Variants in PKN2 observed in about 807,000 individuals in gnomAD.
PKN2 encodes protein kinase N2.
A neutral mutation model predicts 119.1 loss-of-function variants in PKN2; 38 were observed. The observed-to-expected ratio is 0.32, with a 90% CI of 0.25 to 0.42. The LOEUF (loss-of-function observed/expected upper bound fraction) is 0.42. Among genes scored for constraint, PKN2 ranks in the 10% least tolerant of loss-of-function variants. The pLI, the probability that PKN2 is intolerant of heterozygous loss-of-function variation, is 1.00. For missense variants in PKN2, 850 were observed against 1,165.1 expected (o/e 0.73, Z 3.94); for synonymous variants, 390 against 384.9 (o/e 1.01, Z -0.15).
intron 16 of PKN2, among the ~76,000 whole-genome samples, chr1:88,819,732 A>G (rs1672167702): frequency 6.6e-6 from 1 of 152,340 alleles, no homozygotes; most frequent in South Asian, 2.1e-4. Flanking sequence ...AGCACTGTTC[A>G]CAATAGCAAA....
intron 1 of PKN2, among the ~76,000 whole-genome samples, chr1:88,705,765 G>A (rs992888958): frequency 2.0e-5 from 3 of 151,826 alleles, no homozygotes; most frequent in Admixed American, 6.6e-5. Context: ...AAAATCAGTT[G>A]TTCATATATG....
At chr1:88,786,659 T>C (rs1461846600) in intron 8 of PKN2, among the ~76,000 whole-genome samples, 2 of 152,150 alleles carry the variant, frequency 1.3e-5, no homozygotes, top group Non-Finnish European at 2.9e-5. Context: ...TCTGTGGCCA[T>C]AGAACCCATC....
intron 15 of PKN2, among the ~76,000 whole-genome samples, chr1:88,812,719 CAG>C (rs1671826968): frequency 6.6e-6 from 1 of 152,070 alleles, no homozygotes; most frequent in African/African-American, 2.4e-5. Flanking sequence ...TCCTGAAAGA[CAG>C]AGCAAGATCC....
intron 1 of PKN2, among the ~76,000 whole-genome samples, chr1:88,705,948 T>G (rs1024127122): frequency 6.6e-6 from 1 of 152,148 alleles, no homozygotes; most frequent in African/African-American, 2.4e-5. Context: ...TTTACTCTCC[T>G]TTTTCAAATT....
At chr1:88,688,297 G>A (rs1666187497) in intron 1 of PKN2, among the ~76,000 whole-genome samples, 1 of 152,124 alleles carries the variant, frequency 6.6e-6, no homozygotes, top group Non-Finnish European at 1.5e-5. Context: ...ATGTTGGCCA[G>A]GCTGGTCTTG....
At chr1:88,776,492 C>A (rs1670110534) in intron 6 of PKN2, among the ~76,000 whole-genome samples, 1 of 151,738 alleles carries the variant, frequency 6.6e-6, no homozygotes, top group African/African-American at 2.4e-5. Context: ...ATAATCCCAG[C>A]ACTTAAGGAG....
rs145626230 is a variant in PKN2, at chr1:88,751,411, TA to T, written c.350-8809del. 4.0e-3 allele frequency among the ~76,000 whole-genome samples: 608 copies of T among 151,074 alleles called. 4 individuals carry two copies. The highest frequency in any genetic ancestry group is 6.8e-3 in the Middle Eastern group (2 of 294). On this transcript the variant is annotated intron_variant, in intron 2 of 21. Transcript: ENST00000370521. ...ACACACACACACACACACCTGACTC[TA>T]ACCTCTTTGAGAAGAGGAATTCTGC...
At chr1:88,696,345 G>A (rs1666542212) in intron 1 of PKN2, among the ~76,000 whole-genome samples, 1 of 152,152 alleles carries the variant, frequency 6.6e-6, no homozygotes, top group African/African-American at 2.4e-5. Context: ...TATCACTTAA[G>A]GGTAAGATGT....
chr1:88,788,177 T>A (rs1030087135), intron 8 of PKN2, among the ~76,000 whole-genome samples: 1 of 152,190 alleles, frequency 6.6e-6, no homozygotes, highest in African/African-American at 2.4e-5. Flanking sequence ...TTTTTAGAGT[T>A]GTAGGATAAT....
chr1:88,697,474 C>T (rs567197076), intron 1 of PKN2, among the ~76,000 whole-genome samples: 2 of 152,108 alleles, frequency 1.3e-5, no homozygotes, highest in Non-Finnish European at 2.9e-5. Flanking sequence ...TGAGTTCATT[C>T]ATTACTTTGC....
At chr1:88,740,882 A>G in intron 1 of PKN2, 106 bp from the exon 2 acceptor site, 1 of 622,528 alleles carries the variant, frequency 1.6e-6, no homozygotes, top group South Asian at 2.7e-5. Context: ...AATATAGTTA[A>G]ATGTAATGTA....
chr1:88,702,692 G>C (rs190735768), intron 1 of PKN2, among the ~76,000 whole-genome samples: 2 of 152,154 alleles, frequency 1.3e-5, no homozygotes, highest in African/African-American at 4.8e-5. Flanking sequence ...TTTCTAGTAT[G>C]ATGAAAGATA....
chr1:88,757,430 T>C (rs954116705), intron 2 of PKN2, among the ~76,000 whole-genome samples: 4 of 152,178 alleles, frequency 2.6e-5, no homozygotes, highest in African/African-American at 9.6e-5. Context: ...TTAATATCTA[T>C]ATTTTTAGAT....
At chr1:88,802,333 T>TA (rs1178334235) in intron 8 of PKN2, among the ~76,000 whole-genome samples, 1 of 151,958 alleles carries the variant, frequency 6.6e-6, no homozygotes, top group African/African-American at 2.4e-5. Context: ...TTTTAATTTT[T>TA]TTTTTTTTTT....
intron 6 of PKN2, among the ~76,000 whole-genome samples, chr1:88,776,775 G>A (rs61766087): frequency 1.5e-3 from 222 of 151,842 alleles, no homozygotes; most frequent in Non-Finnish European, 2.3e-3. Context: ...CTTCCTCCAG[G>A]CCTTTATGTT....
At chr1:88,702,925 A>G (rs1362825710) in intron 1 of PKN2, among the ~76,000 whole-genome samples, 1 of 152,206 alleles carries the variant, frequency 6.6e-6, no homozygotes, top group Non-Finnish European at 1.5e-5. Flanking sequence ...GTCTTTAGCT[A>G]ATGATGCAGT....
At chr1:88,825,514 A>T (rs535288410) in intron 18 of PKN2, among the ~76,000 whole-genome samples, 2 of 152,280 alleles carry the variant, frequency 1.3e-5, no homozygotes, top group Admixed American at 1.3e-4. Flanking sequence ...CTTCAATCTG[A>T]AAGTAAGGAA....
rs759314590 is a variant in PKN2 at position 88,833,376 on chromosome 1, A to T, written c.2883A>T (p.Arg961=). 2.5e-6 allele frequency: 4 copies of T among 1,613,424 alleles called. No homozygotes were observed. In the African/African-American group the frequency reaches 4.0e-5, roughly 16 times the overall value. Residue 961 remains arginine (R), a synonymous_variant, in exon 22 of 22, where the codon CGA becomes CGT. Coordinates refer to ENST00000370521, the MANE Select transcript of PKN2 (RefSeq NM_006256.4). ...TSEAPILTPP[R]EPRILSEEEQ... ...AAGCACCTATTCTGACTCCACCTCGAGAACCAAGGATACTTTCGGAAGAGG... is the reference window on the plus strand; with the variant it reads ...AAGCACCTATTCTGACTCCACCTCGTGAACCAAGGATACTTTCGGAAGAGG...
At chr1:88,713,395 A>G (rs1667319992) in intron 1 of PKN2, among the ~76,000 whole-genome samples, 1 of 152,188 alleles carries the variant, frequency 6.6e-6, no homozygotes, top group Admixed American at 6.5e-5. Flanking sequence ...TCCCACCAAC[A>G]GTGTAAAAGT....
Sources: allele counts gnomAD v4.1 joint callset (sites outside exome capture counted in the v4.1 genomes callset), GRCh38; gene constraint gnomAD v4.1.1; transcripts MANE v1.5; gene names NCBI Gene and HGNC (gene_info 2026-07-23, HGNC 2026-07-21).